LYPD6B: variants seen among roughly 807,000 people sequenced by gnomAD.
The protein encoded by LYPD6B is LY6/PLAUR domain containing 6B, also known as ly6/PLAUR domain-containing protein 6B.
LYPD6B carries 17 observed loss-of-function variants against 22.8 expected under a neutral mutation model. The observed-to-expected ratio is 0.75, with a 90% CI of 0.51 to 1.12. LYPD6B has a LOEUF of 1.12. Ranked by LOEUF, LYPD6B falls within the 50% of genes most tolerant of loss-of-function variation. The probability of loss-of-function intolerance (pLI) is 0.00; values close to 1 mark genes in which losing one functional copy is unlikely to be tolerated. For synonymous variants in LYPD6B, 106 were observed against 91.6 expected, an observed-to-expected ratio of 1.16 and a Z score of -0.90; for missense variants, 221 against 258.3, an observed-to-expected ratio of 0.86 and a Z score of 0.99.
intron 3 of LYPD6B, among the ~76,000 whole-genome samples, chr2:149,161,159 A>G (rs1458231803): frequency 6.6e-6 from 1 of 152,186 alleles, no homozygotes; most frequent in Non-Finnish European, 1.5e-5. Context: ...TAATCTTCTC[A>G]GTGACAGATG....
At position 149,134,443 on chromosome 2, in the gene LYPD6B, C is replaced by G. The variant is rs1003244274; in HGVS notation, c.5+3490C>G. Among the ~76,000 whole-genome samples the G allele has an allele frequency of 2.6e-5, 4 of 152,320 alleles. No individual in the cohort carries two copies. The South Asian group carries it at 8.3e-4, about 32-fold the overall frequency. The stretch of plus-strand genomic sequence containing the variant: ...ACAGAAAAGACTCCAGCCTACTAAA[C>G]TCTTTATCGCTTCTAAGGTATCTGT... On this transcript the variant is annotated intron_variant, in intron 2 of 6. Transcript: ENST00000409642.
intron 3 of LYPD6B, among the ~76,000 whole-genome samples, chr2:149,183,273 A>G (rs1216341592): frequency 6.6e-6 from 1 of 152,190 alleles, no homozygotes; most frequent in Non-Finnish European, 1.5e-5. Flanking sequence ...AAATCCTCTA[A>G]GTAGGAGATT....
intron 1 of LYPD6B, among the ~76,000 whole-genome samples, chr2:149,048,371 A>G (rs940330861): frequency 6.6e-6 from 1 of 152,144 alleles, no homozygotes; most frequent in African/African-American, 2.4e-5. Context: ...CCAGACTTCA[A>G]ATTCCTCTAG....
chr2:149,120,551 T>C (rs1687279561), intron 1 of LYPD6B, among the ~76,000 whole-genome samples: 1 of 147,740 alleles, frequency 6.8e-6, no homozygotes, highest in East Asian at 2.0e-4. Flanking sequence ...CATGCCTAAT[T>C]TTTTTGTATT....
intron 1 of LYPD6B, among the ~76,000 whole-genome samples, chr2:149,072,216 C>T (rs1280664382): frequency 3.9e-5 from 6 of 152,172 alleles, no homozygotes. Flanking sequence ...TCTTGACTTT[C>T]AGCACATGTG....
intron 1 of LYPD6B, among the ~76,000 whole-genome samples, chr2:149,124,192 G>C (rs932794438): frequency 6.6e-6 from 1 of 152,016 alleles, no homozygotes; most frequent in African/African-American, 2.4e-5. Context: ...ATTCCTCACT[G>C]CACTAACCCC....
chr2:149,077,276 A>C (rs1306060023), intron 1 of LYPD6B, among the ~76,000 whole-genome samples: 2 of 152,212 alleles, frequency 1.3e-5, no homozygotes, highest in African/African-American at 4.8e-5. Flanking sequence ...AGGTCTTTGT[A>C]GAAAGCTCTG....
At chr2:149,129,566 G>T (rs911920943) in intron 1 of LYPD6B, among the ~76,000 whole-genome samples, 1 of 152,228 alleles carries the variant, frequency 6.6e-6, no homozygotes. Flanking sequence ...TATAACTGGA[G>T]ATAATCTTTA....
intron 2 of LYPD6B, among the ~76,000 whole-genome samples, chr2:149,136,207 T>C (rs1266666855): frequency 6.6e-6 from 1 of 152,242 alleles, no homozygotes; most frequent in Non-Finnish European, 1.5e-5. Context: ...CTGTTTCCTA[T>C]GCATTTAAGT....
At chr2:149,204,923 C>T (rs1395829733) in intron 3 of LYPD6B, 1 of 216,926 alleles carries the variant, frequency 4.6e-6, no homozygotes, top group African/African-American at 2.3e-5. Context: ...TCCAGTGATT[C>T]AGCACAGAGG....
chr2:149,102,946 A>G (rs1341283191), intron 1 of LYPD6B, among the ~76,000 whole-genome samples: 6 of 152,152 alleles, frequency 3.9e-5, no homozygotes, highest in Non-Finnish European at 8.8e-5. Context: ...CACATCTATT[A>G]ATACTTGACT....
At chr2:149,094,827 T>C (rs931066172) in intron 1 of LYPD6B, among the ~76,000 whole-genome samples, 2 of 152,154 alleles carry the variant, frequency 1.3e-5, no homozygotes, top group African/African-American at 4.8e-5. Context: ...TTGCTTCTTA[T>C]CAAAGGAATT....
chr2:149,122,342 C>G (rs1003278542), intron 1 of LYPD6B, among the ~76,000 whole-genome samples: 1 of 152,082 alleles, frequency 6.6e-6, no homozygotes, highest in Non-Finnish European at 1.5e-5. Flanking sequence ...CAGCTCCTAA[C>G]CCCACCCCTC....
chr2:149,154,083 C>T, intron 2 of LYPD6B: 1 of 942,898 alleles, frequency 1.1e-6, no homozygotes, highest in African/African-American at 1.8e-5. Flanking sequence ...GATGTCTTCT[C>T]ATTTTGAATA....
intron 1 of LYPD6B, among the ~76,000 whole-genome samples, chr2:149,053,144 G>T (rs1021997494): frequency 3.3e-5 from 5 of 152,200 alleles, no homozygotes; most frequent in Admixed American, 3.3e-4. Flanking sequence ...TAATATGGAG[G>T]TATGATAGAT....
At chr2:149,050,675 C>G (rs1031972380) in intron 1 of LYPD6B, among the ~76,000 whole-genome samples, 1 of 152,174 alleles carries the variant, frequency 6.6e-6, no homozygotes, top group African/African-American at 2.4e-5. Flanking sequence ...GAGAAATGTG[C>G]ATTATACATT....
intron 1 of LYPD6B, among the ~76,000 whole-genome samples, chr2:149,040,747 C>G (rs968637768): frequency 6.6e-6 from 1 of 152,222 alleles, no homozygotes; most frequent in Middle Eastern, 3.4e-3. Context: ...CTCACCAGCG[C>G]CTAAAGGTAG....
rs1474717549 is a variant in LYPD6B at position 149,176,683 on chromosome 2, A to T, written c.77+15848A>T. 2.0e-5 allele frequency among the ~76,000 whole-genome samples: 3 copies of T among 152,040 alleles called. No individual in the cohort carries two copies. The East Asian group carries it at 5.8e-4, about 29-fold the overall frequency. ...TTCACAGACTTCCAAACTGTGTCTGATGTTTTACTTTGGTGGGGCCTTCAG... is the reference window on the plus strand; with the variant it reads ...TTCACAGACTTCCAAACTGTGTCTGTTGTTTTACTTTGGTGGGGCCTTCAG... On this transcript the variant is annotated intron_variant, in intron 3 of 6. Transcript: ENST00000409642.
chr2:149,147,200 G>A (rs1325651698), intron 2 of LYPD6B, among the ~76,000 whole-genome samples: 1 of 150,926 alleles, frequency 6.6e-6, no homozygotes, highest in African/African-American at 2.4e-5. Context: ...CAAACTCTAC[G>A]TGTTCAAAAG....
Sources: allele counts gnomAD v4.1 joint callset (sites outside exome capture counted in the v4.1 genomes callset), GRCh38; gene constraint gnomAD v4.1.1; transcripts MANE v1.5; gene names NCBI Gene and HGNC (gene_info 2026-07-23, HGNC 2026-07-21).